The following NOVA1 variants were observed in gnomAD, a reference collection of about 807,000 sequenced individuals.
NOVA1 encodes RNA-binding protein Nova-1.
NOVA1 carries 7 observed loss-of-function variants against 38.0 expected under a neutral mutation model. The ratio of observed to expected loss-of-function variants is 0.18; its 90% CI spans 0.10 to 0.35. NOVA1 has a LOEUF of 0.35. NOVA1 is among the 10% of genes least tolerant of loss of function. The pLI is 1.00. For missense variants in NOVA1, 460 were observed against 616.0 expected (o/e 0.75, Z 2.68); for synonymous variants, 270 against 232.5 (o/e 1.16, Z -1.47).
In NOVA1 at chr14:26,445,704, T is replaced by A. The variant is rs913851374; in HGVS notation, c.*2255A>T. On this transcript the variant is annotated 3_prime_UTR_variant, in exon 5 of 5. Coordinates refer to ENST00000539517, the MANE Select transcript of NOVA1 (RefSeq NM_002515.3). ...ACATTTGAAATGCTTCTAGTACACA[T>A]CCTAGATCACTTCCTTTCCCTTTTT... 6.6e-6 allele frequency: 1 copy of A among 152,386 alleles called. No homozygotes were observed. The highest frequency in any genetic ancestry group is 1.9e-4 in the East Asian group (1 of 5,176). 9.4% of individuals were successfully genotyped at this position (152,386 alleles called of 1,614,324 possible).
chr14:26,535,729 G>T (rs1890022662), intron 2 of NOVA1, among the ~76,000 whole-genome samples: 1 of 151,750 alleles, frequency 6.6e-6, no homozygotes, highest in East Asian at 1.9e-4. Context: ...AGGGCGAGAT[G>T]GGCAGATCAC....
intron 2 of NOVA1, among the ~76,000 whole-genome samples, chr14:26,488,709 C>T (rs1175417918): frequency 6.6e-6 from 1 of 151,882 alleles, no homozygotes; most frequent in Non-Finnish European, 1.5e-5. Context: ...TATAAAACTG[C>T]CATAACAAAT....
At chr14:26,464,455 A>G (rs1883954637) in intron 4 of NOVA1, among the ~76,000 whole-genome samples, 1 of 152,236 alleles carries the variant, frequency 6.6e-6, no homozygotes, top group Non-Finnish European at 1.5e-5. Flanking sequence ...TGATGTTCAC[A>G]CAACAATATC....
chr14:26,550,193 A>G (rs1011345292), intron 2 of NOVA1, among the ~76,000 whole-genome samples: 3 of 152,190 alleles, frequency 2.0e-5, no homozygotes, highest in African/African-American at 7.2e-5. Context: ...AAGATTCTTT[A>G]TTCTGCTCAG....
chr14:26,465,337 G>A (rs1192149242), intron 4 of NOVA1, among the ~76,000 whole-genome samples: 1 of 152,012 alleles, frequency 6.6e-6, no homozygotes. Context: ...ACCACACCCA[G>A]CTAATTTTTG....
intron 2 of NOVA1, among the ~76,000 whole-genome samples, chr14:26,524,512 C>G (rs1198831149): frequency 6.6e-6 from 1 of 151,984 alleles, no homozygotes; most frequent in Non-Finnish European, 1.5e-5. Context: ...ATTAAAATGT[C>G]CGCATATTTT....
intron 1 of NOVA1, chr14:26,596,880 G>C: frequency 8.6e-7 from 1 of 1,161,808 alleles, no homozygotes; most frequent in Non-Finnish European, 1.1e-6. Context: ...CGCTACCCAA[G>C]TGCCATTTAT....
intron 2 of NOVA1, among the ~76,000 whole-genome samples, chr14:26,483,403 C>G (rs1885619209): frequency 6.6e-6 from 1 of 152,032 alleles, no homozygotes. Flanking sequence ...GTTGTAATTT[C>G]TACAATTTTT....
intron 2 of NOVA1, among the ~76,000 whole-genome samples, chr14:26,533,493 C>A (rs1889864823): frequency 6.6e-6 from 1 of 152,150 alleles, no homozygotes; most frequent in South Asian, 2.1e-4. Context: ...CAGGAATAAT[C>A]CATAATACAG....
At chr14:26,503,143 G>A (rs776103474) in intron 2 of NOVA1, among the ~76,000 whole-genome samples, 13 of 151,858 alleles carry the variant, frequency 8.6e-5, no homozygotes, top group Non-Finnish European at 1.8e-4. Context: ...TGAAACTGGG[G>A]AAACTTGCAA....
chr14:26,576,872 G>C (rs1352103296), intron 2 of NOVA1, among the ~76,000 whole-genome samples: 1 of 151,784 alleles, frequency 6.6e-6, no homozygotes, highest in African/African-American at 2.4e-5. Flanking sequence ...GGTGTGATAA[G>C]AGCATGTAAA....
At chr14:26,478,511 C>T (rs28547551) in intron 3 of NOVA1, among the ~76,000 whole-genome samples, 3,239 of 152,040 alleles carry the variant, frequency 0.021, 110 homozygotes, top group African/African-American at 0.074. Flanking sequence ...AGTGCTTATT[C>T]TGTAAACTCT....
At chr14:26,542,733 CAAAA>C (rs71121888) in intron 2 of NOVA1, among the ~76,000 whole-genome samples, 10 of 125,888 alleles carry the variant, frequency 7.9e-5, no homozygotes, top group East Asian at 2.3e-4. Flanking sequence ...TTTGTAATGG[CAAAA>C]AAAAAAAAAA....
intron 2 of NOVA1, among the ~76,000 whole-genome samples, chr14:26,589,989 AG>A (rs1468457378): frequency 1.3e-5 from 2 of 151,860 alleles, no homozygotes; most frequent in African/African-American, 4.8e-5. Flanking sequence ...TCTGAGGGTC[AG>A]GTTAATTAAG....
chr14:26,539,871 A>T (rs63263661), intron 2 of NOVA1, among the ~76,000 whole-genome samples: 1 of 73,446 alleles, frequency 1.4e-5, no homozygotes, highest in Admixed American at 1.2e-4. Context: ...GAGGCAAAGG[A>T]AAAAAAAAAC....
chr14:26,462,928 TAAG>T (rs2138212063), intron 4 of NOVA1, among the ~76,000 whole-genome samples: 1 of 152,296 alleles, frequency 6.6e-6, no homozygotes, highest in Admixed American at 6.5e-5. Context: ...AGTAGAGATA[TAAG>T]AAGGGAAATG....
intron 2 of NOVA1, among the ~76,000 whole-genome samples, chr14:26,547,770 T>A (rs1216267384): frequency 6.6e-6 from 1 of 152,148 alleles, no homozygotes; most frequent in African/African-American, 2.4e-5. Flanking sequence ...GAATATTTCA[T>A]ATATTGATAA....
chr14:26,569,916 A>G (rs773168927), intron 2 of NOVA1, among the ~76,000 whole-genome samples: 6 of 152,080 alleles, frequency 3.9e-5, no homozygotes, highest in Admixed American at 6.5e-5. Context: ...GATTCAATGC[A>G]TTCTTAAACA....
intron 2 of NOVA1, among the ~76,000 whole-genome samples, chr14:26,495,500 T>G (rs1019193647): frequency 2.0e-4 from 30 of 152,282 alleles, no homozygotes; most frequent in Non-Finnish European, 4.0e-4. Context: ...CTTTTTTTTG[T>G]TGTTGTTTAT....
Sources: allele counts gnomAD v4.1 joint callset (sites outside exome capture counted in the v4.1 genomes callset), GRCh38; gene constraint gnomAD v4.1.1; transcripts MANE v1.5; gene names NCBI Gene and HGNC (gene_info 2026-07-23, HGNC 2026-07-21).